RYR2: variants seen among roughly 807,000 people sequenced by gnomAD.
RYR2 encodes the protein ryanodine receptor 2.
RYR2 carries 227 observed loss-of-function variants against 601.1 expected under a neutral mutation model. The observed-to-expected ratio is 0.38, with a 90% CI of 0.34 to 0.42. The LOEUF (loss-of-function observed/expected upper bound fraction) is 0.42, where lower values mean the gene tolerates loss of function less well. Among genes scored for constraint, RYR2 ranks in the 10% least tolerant of loss-of-function variants. The pLI is 1.00. For synonymous variants in RYR2, 2,223 were observed against 2,175.1 expected, an observed-to-expected ratio of 1.02 and a Z score of -0.61; for missense variants, 4,646 against 6,156.5, an observed-to-expected ratio of 0.75 and a Z score of 8.21.
At chr1:237,410,444 A>C (rs761107035) in intron 10 of RYR2, among the ~76,000 whole-genome samples, 2 of 152,076 alleles carry the variant, frequency 1.3e-5, no homozygotes, top group Admixed American at 6.6e-5. Context: ...TTTCTCTGAG[A>C]TTAAAATGAC....
chr1:237,486,071 A>G (rs1272871003), intron 17 of RYR2, among the ~76,000 whole-genome samples: 1 of 152,180 alleles, frequency 6.6e-6, no homozygotes, highest in Non-Finnish European at 1.5e-5. Flanking sequence ...TAACAATTAG[A>G]TTTAGGAAAA....
At chr1:237,153,329 T>A (rs1674946120) in intron 1 of RYR2, among the ~76,000 whole-genome samples, 1 of 152,126 alleles carries the variant, frequency 6.6e-6, no homozygotes, top group African/African-American at 2.4e-5. Context: ...GTAGGACAGA[T>A]AAAAGGAACA....
At chr1:237,222,820 C>A (rs1558452316) in intron 1 of RYR2, among the ~76,000 whole-genome samples, 1 of 152,138 alleles carries the variant, frequency 6.6e-6, no homozygotes, top group African/African-American at 2.4e-5. Context: ...AATCTCAGCA[C>A]TTTGGGAGGC....
intron 42 of RYR2, among the ~76,000 whole-genome samples, chr1:237,631,762 G>A (rs1346387790): frequency 1.3e-5 from 2 of 151,402 alleles, no homozygotes; most frequent in African/African-American, 4.9e-5. Flanking sequence ...CGAGGAGCTG[G>A]GATTAGAGGC....
chr1:237,350,602 A>AATATATATATATATATATATATAT (rs1177777241), intron 3 of RYR2, among the ~76,000 whole-genome samples: 1 of 37,006 alleles, frequency 2.7e-5, no homozygotes, highest in African/African-American at 1.0e-4. Flanking sequence ...AAAAAAAAAA[A>AATATATATATATATATATATATAT]ATATATATAT....
At chr1:237,122,149 G>A (rs1670855668) in intron 1 of RYR2, among the ~76,000 whole-genome samples, 1 of 152,234 alleles carries the variant, frequency 6.6e-6, no homozygotes, top group African/African-American at 2.4e-5. Flanking sequence ...GAACATTGGG[G>A]TTGCGGTTGG....
chr1:237,633,759 T>C (rs1010958219), intron 43 of RYR2, 49 bp downstream of exon 43: 1 of 1,526,246 alleles, frequency 6.6e-7, no homozygotes, highest in Non-Finnish European at 8.9e-7. Context: ...TAATATAATA[T>C]TACATTTAAA....
intron 47 of RYR2, among the ~76,000 whole-genome samples, chr1:237,641,467 G>GTCTTTCTTTCTT (rs1490727758): frequency 0.01 from 1,185 of 117,126 alleles, 19 homozygotes; most frequent in African/African-American, 0.04. Flanking sequence ...ATTAGTGTCT[G>GTCTTTCTTTCTT]TCTGTCTTTC....
intron 1 of RYR2, among the ~76,000 whole-genome samples, chr1:237,140,845 C>G (rs1673312284): frequency 6.6e-6 from 1 of 152,162 alleles, no homozygotes; most frequent in East Asian, 1.9e-4. Context: ...CTCACCTTAC[C>G]CAGCCTCTTA....
chr1:237,472,962 A>G (rs1660900993), intron 17 of RYR2, among the ~76,000 whole-genome samples: 1 of 149,058 alleles, frequency 6.7e-6, no homozygotes, highest in Non-Finnish European at 1.5e-5. Flanking sequence ...GGTCTAATGA[A>G]CAGTAACACC....
intron 1 of RYR2, among the ~76,000 whole-genome samples, chr1:237,064,572 T>C (rs571272670): frequency 7.2e-5 from 11 of 152,226 alleles, no homozygotes; most frequent in African/African-American, 2.6e-4. Flanking sequence ...TGATGTTATC[T>C]TCTTCCACAA....
Position 237,828,467 on chromosome 1 carries a change from T to C in RYR2, c.14655+22T>C, listed in dbSNP as rs147311361. 8.1e-3 allele frequency: 12,261 copies of C among 1,518,652 alleles called. 84 individuals are homozygous for C. Among genetic ancestry groups the C allele is most frequent in the Middle Eastern group, 0.022 (128 of 5,910 alleles). 94.1% of individuals were successfully genotyped at this position (1,518,652 alleles called of 1,614,324 possible). ...GGAGGTAAGCTTCTCCATTCATGAC[T>C]CAGCTTCTTTGTTGTCCTGGGCCCT... On this transcript the variant is annotated intron_variant, in intron 102 of 104. Coordinates refer to ENST00000366574, the MANE Select transcript of RYR2 (RefSeq NM_001035.3).
chr1:237,412,050 G>A (rs1704511859), intron 10 of RYR2, among the ~76,000 whole-genome samples: 1 of 152,028 alleles, frequency 6.6e-6, no homozygotes. Context: ...AAGGATTTGT[G>A]CTTTTATTAA....
At chr1:237,158,507 A>G (rs938932106) in intron 1 of RYR2, among the ~76,000 whole-genome samples, 2 of 152,144 alleles carry the variant, frequency 1.3e-5, no homozygotes, top group South Asian at 4.1e-4. Context: ...TTAGACATTT[A>G]TCTATAAGGA....
chr1:237,230,196 G>A (rs1684829987), intron 1 of RYR2, among the ~76,000 whole-genome samples: 5 of 152,158 alleles, frequency 3.3e-5, no homozygotes, highest in African/African-American at 1.2e-4. Context: ...AACCAAAATT[G>A]TTGCTCAGAT....
chr1:237,290,453 T>C (rs1216103548), intron 2 of RYR2, among the ~76,000 whole-genome samples: 1 of 152,184 alleles, frequency 6.6e-6, no homozygotes, highest in African/African-American at 2.4e-5. Flanking sequence ...GATTAGATGA[T>C]TGTAGAAAAG....
chr1:237,529,906 G>A (rs1011216388), intron 24 of RYR2, among the ~76,000 whole-genome samples: 27 of 151,864 alleles, frequency 1.8e-4, no homozygotes, highest in African/African-American at 6.3e-4. Flanking sequence ...GAAGTTGGAG[G>A]GAGACTTACT....
intron 3 of RYR2, among the ~76,000 whole-genome samples, chr1:237,342,993 G>C (rs991593392): frequency 2.0e-5 from 3 of 152,162 alleles, no homozygotes; most frequent in African/African-American, 7.2e-5. Flanking sequence ...AGGATCACTT[G>C]AGCCCAGGAG....
chr1:237,473,913 C>G (rs1234073196), intron 17 of RYR2, among the ~76,000 whole-genome samples: 1 of 152,120 alleles, frequency 6.6e-6, no homozygotes, highest in Non-Finnish European at 1.5e-5. Context: ...ACAGTAGTAT[C>G]TTTTCAACAT....
Sources: allele counts gnomAD v4.1 joint callset (sites outside exome capture counted in the v4.1 genomes callset), GRCh38; gene constraint gnomAD v4.1.1; transcripts MANE v1.5; gene names NCBI Gene and HGNC (gene_info 2026-07-23, HGNC 2026-07-21).